CDH12: variants seen among roughly 807,000 people sequenced by gnomAD.
CDH12 encodes the protein cadherin-12.
In CDH12, 41 loss-of-function variants were observed where a neutral mutation model predicts 74.1. The observed-to-expected ratio is 0.55, with a 90% confidence interval of 0.43 to 0.72. CDH12 has a LOEUF of 0.72. Among genes scored for constraint, CDH12 ranks in the 30% least tolerant of loss-of-function variants. CDH12 has a pLI of 0.00. For missense variants in CDH12, 945 were observed against 977.2 expected (o/e 0.97, Z 0.44); for synonymous variants, 399 against 355.0 (o/e 1.12, Z -1.39).
intron 9 of CDH12, among the ~76,000 whole-genome samples, chr5:21,806,165 G>A (rs1747416162): frequency 6.6e-6 from 1 of 152,036 alleles, no homozygotes; most frequent in African/African-American, 2.4e-5. Flanking sequence ...GCCACTGAAG[G>A]AAATAAAAAA....
intron 9 of CDH12, among the ~76,000 whole-genome samples, chr5:21,816,470 C>CA (rs1420097553): frequency 2.7e-5 from 4 of 150,512 alleles, no homozygotes; most frequent in South Asian, 2.1e-4. Flanking sequence ...ACTAAAAATA[C>CA]AAAAACTAGC....
intron 3 of CDH12, among the ~76,000 whole-genome samples, chr5:22,260,919 C>T (rs996813709): frequency 4.6e-5 from 7 of 151,696 alleles, no homozygotes; most frequent in South Asian, 2.1e-4. Flanking sequence ...ATTTCTGTTC[C>T]GATAATAGTA....
intron 1 of CDH12, among the ~76,000 whole-genome samples, chr5:22,510,388 C>T (rs915065309): frequency 6.6e-6 from 1 of 151,706 alleles, no homozygotes; most frequent in Non-Finnish European, 1.5e-5. Context: ...GGAAAAAAAA[C>T]GTATGTTATT....
At position 22,004,677 on chromosome 5, in the gene CDH12, G is replaced by A. The variant is rs192058785; in HGVS notation, c.232-29292C>T. 2.0e-3 allele frequency among the ~76,000 whole-genome samples: 312 copies of A among 152,246 alleles called. 4 individuals are homozygous for A. Among genetic ancestry groups the A allele is most frequent in the African/African-American group, 6.9e-3 (287 of 41,548 alleles). On this transcript the variant is annotated intron_variant, in intron 5 of 14. Transcript: ENST00000382254. ...CTTTATTCTGTATTACAGGTATGGG[G>A]GTACATGTGCAGGTTTGTTACATGG...
chr5:22,300,262 G>A (rs1561294597), intron 3 of CDH12, among the ~76,000 whole-genome samples: 2 of 152,162 alleles, frequency 1.3e-5, no homozygotes, highest in South Asian at 4.1e-4. Context: ...CTTTGTAAAA[G>A]CTACAGCTAT....
At chr5:22,425,166 T>TAAAA (rs1561394227) in intron 2 of CDH12, among the ~76,000 whole-genome samples, 213 of 134,362 alleles carry the variant, frequency 1.6e-3, no homozygotes, top group African/African-American at 4.8e-3. Context: ...TATATATATA[T>TAAAA]ATATAAATAT....
At chr5:21,922,891 T>C (rs1464000860) in intron 6 of CDH12, among the ~76,000 whole-genome samples, 1 of 151,974 alleles carries the variant, frequency 6.6e-6, no homozygotes, top group Non-Finnish European at 1.5e-5. Context: ...TTAAGTTGAA[T>C]CAGGCTAGTA....
At chr5:22,631,133 T>C (rs1738563288) in intron 1 of CDH12, among the ~76,000 whole-genome samples, 1 of 152,002 alleles carries the variant, frequency 6.6e-6, no homozygotes. Flanking sequence ...AGTCAAAAAA[T>C]AACAGACGCT....
At chr5:22,830,254 A>T (rs954605276) in intron 1 of CDH12, among the ~76,000 whole-genome samples, 7 of 152,142 alleles carry the variant, frequency 4.6e-5, no homozygotes, top group Admixed American at 2.6e-4. Flanking sequence ...GTTTAAGAAA[A>T]GTTTTGTTTA....
chr5:22,034,083 A>C (rs1739012297), intron 5 of CDH12, among the ~76,000 whole-genome samples: 1 of 152,190 alleles, frequency 6.6e-6, no homozygotes, highest in Admixed American at 6.5e-5. Context: ...TCACTCTGTC[A>C]TCCAGGCTGG....
At chr5:22,422,247 T>A (rs1743683987) in intron 2 of CDH12, among the ~76,000 whole-genome samples, 2 of 152,116 alleles carry the variant, frequency 1.3e-5, no homozygotes, top group Non-Finnish European at 2.9e-5. Flanking sequence ...CTCTTACTAT[T>A]TTGAGGTAGG....
intron 5 of CDH12, among the ~76,000 whole-genome samples, chr5:21,999,878 G>T (rs1736505334): frequency 6.6e-6 from 1 of 151,720 alleles, no homozygotes; most frequent in Non-Finnish European, 1.5e-5. Flanking sequence ...AATTAACTTT[G>T]TATGTGTAAA....
chr5:22,487,887 A>G (rs1050655794), intron 2 of CDH12, among the ~76,000 whole-genome samples: 4 of 152,226 alleles, frequency 2.6e-5, no homozygotes, highest in Admixed American at 2.6e-4. Context: ...TTAACTTTTA[A>G]CAACATTATG....
At chr5:22,258,852 G>A (rs900197097) in intron 3 of CDH12, among the ~76,000 whole-genome samples, 23 of 152,050 alleles carry the variant, frequency 1.5e-4, no homozygotes, top group South Asian at 4.2e-4. Flanking sequence ...CTAGGTTTGC[G>A]TTAAGTACAC....
At chr5:22,323,219 GT>G (rs1306007332) in intron 3 of CDH12, among the ~76,000 whole-genome samples, 8 of 152,212 alleles carry the variant, frequency 5.3e-5, no homozygotes, top group Non-Finnish European at 1.0e-4. Context: ...TCTATACTCT[GT>G]ATGTTTCATG....
chr5:21,947,484 CTT>C (rs1419694192), intron 6 of CDH12, among the ~76,000 whole-genome samples: 1 of 152,178 alleles, frequency 6.6e-6, no homozygotes, highest in East Asian at 1.9e-4. Flanking sequence ...AAAGATCACT[CTT>C]ACTCTGCCTT....
At chr5:22,733,869 G>A (rs114040518) in intron 1 of CDH12, among the ~76,000 whole-genome samples, 134 of 151,942 alleles carry the variant, frequency 8.8e-4, no homozygotes, top group African/African-American at 3.1e-3. Context: ...CAGAGAAGGC[G>A]TATTCTAGTT....
At chr5:22,632,916 T>A (rs1738658771) in intron 1 of CDH12, among the ~76,000 whole-genome samples, 1 of 148,542 alleles carries the variant, frequency 6.7e-6, no homozygotes, top group Non-Finnish European at 1.5e-5. Flanking sequence ...AAGAAGAACC[T>A]CAAAAGCAGA....
chr5:22,166,687 A>G (rs1359956635), intron 4 of CDH12, among the ~76,000 whole-genome samples: 3 of 152,226 alleles, frequency 2.0e-5, no homozygotes, highest in Middle Eastern at 6.4e-3. Flanking sequence ...TAAAAACTAC[A>G]TAGTAAAACA....
Sources: gnomAD v4.1 joint callset for allele counts (sites outside exome capture counted in the v4.1 genomes callset) on GRCh38, gnomAD v4.1.1 for gene constraint, MANE v1.5 for transcripts, NCBI Gene and HGNC (gene_info 2026-07-23, HGNC 2026-07-21) for gene names.